The following PHACTR2 variants were observed in gnomAD, a reference collection of about 807,000 sequenced individuals.
PHACTR2 encodes the protein phosphatase and actin regulator 2, also known as chromosome 6 open reading frame 56.
A neutral mutation model predicts 76.0 loss-of-function variants in PHACTR2; 30 were observed. The ratio of observed to expected loss-of-function variants is 0.39; its 90% CI spans 0.30 to 0.54. The LOEUF (loss-of-function observed/expected upper bound fraction) is 0.54, where lower values mean the gene tolerates loss of function less well. PHACTR2 is among the 20% of genes least tolerant of loss of function. The pLI, the probability that PHACTR2 is intolerant of heterozygous loss-of-function variation, is 0.61. For synonymous variants in PHACTR2, 292 were observed against 292.5 expected (o/e 1.00, Z 0.02); for missense variants, 696 against 781.1 (o/e 0.89, Z 1.30).
chr6:143,609,992 T>C (rs9496699), intron 1 of PHACTR2, among the ~76,000 whole-genome samples: 34,550 of 152,104 alleles, frequency 0.23, 3,949 homozygotes, highest in South Asian at 0.28. Context: ...GAGTGGCTTG[T>C]AAAGTAGCAA....
rs1440463230 is a variant in PHACTR2 at position 143,611,935 on chromosome 6, AG to A, written c.13+3615del. 3.3e-5 allele frequency among the ~76,000 whole-genome samples: 5 copies of A among 152,206 alleles called. No individual in the cohort carries two copies. Among genetic ancestry groups the A allele is most frequent in the African/African-American group, 1.2e-4 (5 of 41,444 alleles). ...AGGCAGGGAGAACTGCAGCAGTCAA[AG>A]GAGACCCTGGAGGTTTCCCGTTAGA... On this transcript the variant is annotated intron_variant, in intron 1 of 11. Transcript: ENST00000305766. This position sits in a 1 kb window ranked among gnomAD's most constrained non-coding sequence, Gnocchi z 4.4.
At chr6:143,576,875 CAAAAAA>C (rs35937662) in intron 1 of PHACTR2, among the ~76,000 whole-genome samples, 1 of 102,558 alleles carries the variant, frequency 9.8e-6, no homozygotes, top group African/African-American at 3.8e-5. Flanking sequence ...GACTCTGTCT[CAAAAAA>C]AAAAAAAAAA....
At chr6:143,560,184 C>T (rs1775246660) in intron 1 of PHACTR2, among the ~76,000 whole-genome samples, 1 of 152,090 alleles carries the variant, frequency 6.6e-6, no homozygotes, top group Admixed American at 6.5e-5. Flanking sequence ...AAAAATAATT[C>T]ACTAGGTTTT....
rs780143976 is a variant in PHACTR2, at chr6:143,788,918, T to C, written c.1845+8T>C. On this transcript the variant is annotated splice_region_variant and intron_variant, in intron 11 of 12. Transcript: ENST00000440869. ...TTAACACCTGCAGACAAGGCAAGAA[T>C]CCCAGTGGATTTTGTGTTGATTGTA... The C allele has an allele frequency of 1.2e-6, 2 of 1,605,788 alleles. No homozygotes were observed. The highest frequency in any genetic ancestry group is 2.2e-5 in the South Asian group (2 of 90,562).
In PHACTR2 at chr6:143,765,200, T is replaced by G. The variant is rs990137204; in HGVS notation, c.695-61T>G. The G allele has an allele frequency of 1.1e-5, 14 of 1,303,868 alleles. No homozygotes were observed. In the African/African-American group the frequency reaches 2.1e-4, roughly 19 times the overall value. 80.8% of individuals were successfully genotyped at this position (1,303,868 alleles called of 1,614,324 possible). A position where few individuals can be genotyped will look rare whatever the true frequency, so the allele number is the denominator to read the frequency against. On this transcript the variant is annotated intron_variant, in intron 5 of 12. Transcript: ENST00000440869. The surrounding 1 kb of genome is among the most constrained non-coding windows in gnomAD (Gnocchi z 4.1). ...ATGTTGTTGACAGTTACACCTTGGTTACTTTATTTTAAAAAGCATTGTATT... is the reference window on the plus strand; with the variant it reads ...ATGTTGTTGACAGTTACACCTTGGTGACTTTATTTTAAAAAGCATTGTATT...
At chr6:143,632,758 A>G (rs747611962) in intron 1 of PHACTR2, among the ~76,000 whole-genome samples, 11 of 152,126 alleles carry the variant, frequency 7.2e-5, no homozygotes, top group Admixed American at 1.3e-4. Context: ...TGCCCCACCT[A>G]TTCATCCCTT....
chr6:143,786,241 G>A (rs763158525), intron 10 of PHACTR2, among the ~76,000 whole-genome samples: 10 of 152,142 alleles, frequency 6.6e-5, no homozygotes, highest in Non-Finnish European at 1.0e-4. Flanking sequence ...AAAGTTCCAC[G>A]AATCTCTAGG....
intron 1 of PHACTR2, among the ~76,000 whole-genome samples, chr6:143,579,593 A>G (rs939917240): frequency 6.6e-6 from 1 of 152,152 alleles, no homozygotes; most frequent in Non-Finnish European, 1.5e-5. Context: ...ATAAGGCACC[A>G]TCTCAGAGAA....
intron 1 of PHACTR2, among the ~76,000 whole-genome samples, chr6:143,640,571 A>G (rs1224285734): frequency 1.3e-5 from 2 of 152,218 alleles, no homozygotes; most frequent in African/African-American, 2.4e-5. Context: ...CAAAAGGTCA[A>G]TGGGTTTTGT....
chr6:143,696,176 T>A lies in PHACTR2; in HGVS notation c.47-15840T>A, dbSNP rs1417973080. ...TGTCAACCTTCTTGCTTAGTTTCTT[T>A]CCTTAATCCAGGGCATTTCTGCTAT... is the stretch of plus-strand genomic sequence containing the variant. On this transcript the variant is annotated intron_variant, in intron 1 of 12. Transcript: ENST00000440869. The surrounding 1 kb of genome is among the most constrained non-coding windows in gnomAD (Gnocchi z 4.1). 1.3e-5 allele frequency among the ~76,000 whole-genome samples: 2 copies of A among 152,220 alleles called. No homozygotes were observed. Among genetic ancestry groups the A allele is most frequent in the African/African-American group, 2.4e-5 (1 of 41,454 alleles).
At chr6:143,693,106 C>T (rs933481282) in intron 1 of PHACTR2, among the ~76,000 whole-genome samples, 14 of 152,122 alleles carry the variant, frequency 9.2e-5, no homozygotes, top group African/African-American at 3.1e-4. Flanking sequence ...CCTCATTTTA[C>T]CTTAATTTTA....
chr6:143,637,617 C>G (rs1000865957), intron 1 of PHACTR2, among the ~76,000 whole-genome samples: 1 of 152,196 alleles, frequency 6.6e-6, no homozygotes, highest in East Asian at 1.9e-4. Context: ...CAAGGCTACA[C>G]TTTAGGTGTT....
intron 1 of PHACTR2, among the ~76,000 whole-genome samples, chr6:143,545,695 A>T (rs75598849): frequency 0.024 from 3,636 of 152,206 alleles, 59 homozygotes; most frequent in Non-Finnish European, 0.034. Context: ...TTCTTACCCT[A>T]CCCCACCCTA....
At chr6:143,770,698 AC>A (rs896527428) in intron 6 of PHACTR2, among the ~76,000 whole-genome samples, 1 of 152,088 alleles carries the variant, frequency 6.6e-6, no homozygotes, top group Non-Finnish European at 1.5e-5. Context: ...TGCTGGAAGA[AC>A]TTTTTACCAG....
chr6:143,553,203 G>A lies in PHACTR2; in HGVS notation c.217+15996G>A, dbSNP rs1465650319. 6.6e-5 allele frequency among the ~76,000 whole-genome samples: 10 copies of A among 152,362 alleles called. No individual in the cohort carries two copies. The highest frequency in any genetic ancestry group is 2.4e-4 in the African/African-American group (10 of 41,584). On this transcript the variant is annotated intron_variant, in intron 1 of 11. Coordinates refer to the PHACTR2 transcript ENST00000367584. This position sits in a 1 kb window ranked among gnomAD's most constrained non-coding sequence, Gnocchi z 4.2. ...AAAAATCCAGCTCATAGAGACTGCA[G>A]TATAGTGAGGGTGTCAAAGATAAAG... is the stretch of plus-strand genomic sequence containing the variant.
In PHACTR2 at chr6:143,538,150, A is replaced by G. The variant is rs1490067025; in HGVS notation, c.217+943A>G. On this transcript the variant is annotated intron_variant, in intron 1 of 11. Coordinates refer to the PHACTR2 transcript ENST00000367584. Reference sequence around the variant, plus strand: ...AGCCTCAAGCTAGCCCCTCTGCGGTAGCACCGGCCCATGTGTTCTCAGAGG... The same window carrying G: ...AGCCTCAAGCTAGCCCCTCTGCGGTGGCACCGGCCCATGTGTTCTCAGAGG... Among the ~76,000 whole-genome samples, 7 of 152,306 alleles carry G rather than the reference A, an allele frequency of 4.6e-5. No individual in the cohort carries two copies. The East Asian group carries it at 7.7e-4, about 17-fold the overall frequency.
In PHACTR2 at chr6:143,795,240, C is replaced by A. The variant is rs1582888630; in HGVS notation, c.1845+6330C>A. 1.3e-5 allele frequency among the ~76,000 whole-genome samples: 2 copies of A among 152,076 alleles called. No individual in the cohort carries two copies. Among genetic ancestry groups the A allele is most frequent in the East Asian group, 3.9e-4 (2 of 5,176 alleles). On this transcript the variant is annotated intron_variant, in intron 11 of 12. Transcript: ENST00000440869. The surrounding 1 kb of genome is among the most constrained non-coding windows in gnomAD (Gnocchi z 4.8). ...ACCAGCCTGAGCAACATAGCAAGAC[C>A]CTCTCTCTACAAAAACTAAAAAAAT... is the stretch of plus-strand genomic sequence containing the variant.
intron 1 of PHACTR2, among the ~76,000 whole-genome samples, chr6:143,565,867 G>C (rs1012405147): frequency 6.6e-6 from 1 of 152,120 alleles, no homozygotes; most frequent in Non-Finnish European, 1.5e-5. Flanking sequence ...GGCGGGAAGG[G>C]GAGTCTGCGC....
rs551029724 is a variant in PHACTR2, at chr6:143,616,430, A to T, written c.13+8108A>T. The stretch of plus-strand genomic sequence containing the variant: ...CTGTTATTTTCCATGTATCCTCTAC[A>T]TCTACCAGTCTGTTCCACGTCTGTT... On this transcript the variant is annotated intron_variant, in intron 1 of 11. Coordinates refer to the PHACTR2 transcript ENST00000305766. The surrounding 1 kb of genome is among the most constrained non-coding windows in gnomAD (Gnocchi z 4.9). 1.8e-4 allele frequency among the ~76,000 whole-genome samples: 27 copies of T among 152,164 alleles called. No homozygotes were observed. The highest frequency in any genetic ancestry group is 3.9e-4 in the Admixed American group (6 of 15,284).
Sources: gnomAD v4.1 joint callset for allele counts (sites outside exome capture counted in the v4.1 genomes callset) on GRCh38, gnomAD v4.1.1 for gene constraint, Gnocchi (gnomAD v3.1) non-coding constraint, MANE v1.5 for transcripts, NCBI Gene and HGNC (gene_info 2026-07-23, HGNC 2026-07-21) for gene names.